Variants in ACTA2 observed in about 807,000 individuals in gnomAD.
ACTA2 encodes actin alpha 2, smooth muscle, also known as actin, aortic smooth muscle.
A neutral mutation model predicts 39.5 loss-of-function variants in ACTA2; 12 were observed. That is an observed-to-expected ratio of 0.30 (90% confidence interval 0.19 to 0.49). ACTA2 has a LOEUF of 0.49. ACTA2 is among the 20% of genes least tolerant of loss of function. ACTA2 has a pLI of 0.99. For synonymous variants in ACTA2, 158 were observed against 180.6 expected, an observed-to-expected ratio of 0.88 and a Z score of 1.00; for missense variants, 236 against 498.8, an observed-to-expected ratio of 0.47 and a Z score of 5.02.
chr10:88,958,374 C>T (rs1222707747), intron 1 of ACTA2, among the ~76,000 whole-genome samples: 2 of 152,188 alleles, frequency 1.3e-5, no homozygotes, highest in African/African-American at 4.8e-5. Flanking sequence ...GCTCTACATA[C>T]ATAAACTCAT....
At chr10:88,970,437 C>T (rs867614554) in intron 1 of ACTA2, among the ~76,000 whole-genome samples, 1 of 152,112 alleles carries the variant, frequency 6.6e-6, no homozygotes, top group Non-Finnish European at 1.5e-5. Context: ...GCTTAGGCCC[C>T]TGCTTGTTGA....
chr10:88,941,473 G>A (rs1845851006), intron 5 of ACTA2, 83 bp from the exon 6 acceptor site: 1 of 1,561,446 alleles, frequency 6.4e-7, no homozygotes, highest in Non-Finnish European at 8.8e-7. Flanking sequence ...AGCCTTGGGG[G>A]AGAGGGAATT....
intron 1 of ACTA2, among the ~76,000 whole-genome samples, chr10:88,969,138 G>A (rs1414906179): frequency 6.6e-6 from 1 of 152,096 alleles, no homozygotes; most frequent in Admixed American, 6.6e-5. Flanking sequence ...TTATAAGTAG[G>A]ATCTTGATTA....
intron 1 of ACTA2, among the ~76,000 whole-genome samples, chr10:88,962,369 C>T (rs1035175388): frequency 1.3e-5 from 2 of 152,090 alleles, no homozygotes; most frequent in African/African-American, 4.8e-5. Flanking sequence ...ACAACCCAAC[C>T]TACAGTATTT....
chr10:88,983,572 A>G (rs145589162), intron 1 of ACTA2, among the ~76,000 whole-genome samples: 87 of 134,744 alleles, frequency 6.5e-4, no homozygotes, highest in East Asian at 5.8e-3. Flanking sequence ...CCTACTTTAC[A>G]GGGAGTTGTA....
At chr10:88,968,604 G>A (rs1443244386) in intron 1 of ACTA2, among the ~76,000 whole-genome samples, 1 of 152,178 alleles carries the variant, frequency 6.6e-6, no homozygotes, top group Non-Finnish European at 1.5e-5. Context: ...AGAAGTGGAT[G>A]TAGGCAATCC....
At chr10:88,970,895 G>GTATATA (rs1462787126) in intron 1 of ACTA2, among the ~76,000 whole-genome samples, 4 of 143,996 alleles carry the variant, frequency 2.8e-5, no homozygotes, top group African/African-American at 7.9e-5. Flanking sequence ...GTGTGTGTGT[G>GTATATA]TGTATATATA....
chr10:88,975,493 G>A (rs570404325), intron 1 of ACTA2, among the ~76,000 whole-genome samples: 9 of 152,182 alleles, frequency 5.9e-5, no homozygotes, highest in East Asian at 3.9e-4. Context: ...TCTCCAATAC[G>A]TAAAGAATCA....
Position 88,990,954 on chromosome 10 carries a change from G to A in ACTA2, c.-39C>T. On this transcript the variant is annotated 5_prime_UTR_variant, in exon 1 of 5. Coordinates refer to the ACTA2 transcript ENST00000415557. This position sits in a 1 kb window ranked among gnomAD's most constrained non-coding sequence, Gnocchi z 4.9. The stretch of plus-strand genomic sequence containing the variant: ...GGAGGCTTACCCCGTCTTAGTCCCG[G>A]GGATAGGCAAAGTGGGGCGGGCGCG... 6.2e-7 allele frequency: 1 copy of A among 1,613,774 alleles called. No homozygotes were observed. Among genetic ancestry groups the A allele is most frequent in the Non-Finnish European group, 8.5e-7 (1 of 1,179,730 alleles).
chr10:88,941,486 C>T lies in ACTA2; in HGVS notation c.455-96G>A, dbSNP rs41284108. 9.8e-4 allele frequency: 1,471 copies of T among 1,495,100 alleles called. 4 individuals are homozygous for T. Among genetic ancestry groups the T allele is most frequent in the Non-Finnish European group, 1.2e-3 (1,323 of 1,076,336 alleles). 92.6% of individuals were successfully genotyped at this position (1,495,100 alleles called of 1,614,324 possible). ...GAAGCCTTGGGGGAGAGGGAATTTCCGAGCCTCTTATTTAAAAAGAGAAAA... is the reference window on the plus strand; with the variant it reads ...GAAGCCTTGGGGGAGAGGGAATTTCTGAGCCTCTTATTTAAAAAGAGAAAA... On this transcript the variant is annotated intron_variant, in intron 5 of 8. Transcript: ENST00000224784.
chr10:88,972,188 T>A (rs957195733), intron 1 of ACTA2, among the ~76,000 whole-genome samples: 4 of 152,086 alleles, frequency 2.6e-5, no homozygotes, highest in African/African-American at 9.7e-5. Flanking sequence ...ATTACAGGCA[T>A]GAGCCACCAC....
At chr10:88,966,439 A>G (rs1408872678) in intron 1 of ACTA2, among the ~76,000 whole-genome samples, 1 of 152,164 alleles carries the variant, frequency 6.6e-6, no homozygotes. Context: ...TTTGTAATCT[A>G]TAAGTGTGTG....
At chr10:88,981,649 C>T (rs1381457767) in intron 1 of ACTA2, among the ~76,000 whole-genome samples, 2 of 152,098 alleles carry the variant, frequency 1.3e-5, no homozygotes, top group Admixed American at 6.5e-5. Flanking sequence ...GAGTGGGAGA[C>T]GCATCATATC....
chr10:88,967,061 G>T (rs1419250716), intron 1 of ACTA2, among the ~76,000 whole-genome samples: 2 of 152,158 alleles, frequency 1.3e-5, no homozygotes, highest in Non-Finnish European at 2.9e-5. Context: ...ACATACTTTA[G>T]CCCCTAGAAA....
intron 1 of ACTA2, among the ~76,000 whole-genome samples, chr10:88,952,388 C>A (rs557507062): frequency 1.3e-5 from 2 of 152,270 alleles, no homozygotes; most frequent in African/African-American, 4.8e-5. Flanking sequence ...TGCCTAAATA[C>A]AAATAAATGT....
At chr10:88,948,063 C>T (rs1337541629) in intron 2 of ACTA2, among the ~76,000 whole-genome samples, 3 of 152,256 alleles carry the variant, frequency 2.0e-5, no homozygotes, top group African/African-American at 7.2e-5. Context: ...TACAAAACAG[C>T]CATGGCTACT....
intron 1 of ACTA2, among the ~76,000 whole-genome samples, chr10:88,978,767 T>C (rs1274520884): frequency 6.6e-6 from 1 of 152,170 alleles, no homozygotes; most frequent in Non-Finnish European, 1.5e-5. Context: ...TCCTCTCTTC[T>C]ACAAATTCAT....
chr10:88,953,357 G>T (rs1182097177), upstream of ACTA2, among the ~76,000 whole-genome samples: 3 of 152,200 alleles, frequency 2.0e-5, no homozygotes, highest in Non-Finnish European at 2.9e-5. Context: ...ATGGAGACAA[G>T]GTTGACAGGC....
intron 1 of ACTA2, among the ~76,000 whole-genome samples, chr10:88,961,491 C>T (rs1846225319): frequency 6.6e-6 from 1 of 152,170 alleles, no homozygotes; most frequent in Admixed American, 6.5e-5. Flanking sequence ...TCAGTGTCAG[C>T]TGTTACACAT....
Sources: allele counts gnomAD v4.1 joint callset (sites outside exome capture counted in the v4.1 genomes callset), GRCh38; gene constraint gnomAD v4.1.1; non-coding constraint Gnocchi (gnomAD v3.1); transcripts MANE v1.5; gene names NCBI Gene and HGNC (gene_info 2026-07-23, HGNC 2026-07-21).